The following IL7 variants were observed in gnomAD, a reference collection of about 807,000 sequenced individuals.
The protein encoded by IL7 is interleukin 7.
IL7 carries 3 observed loss-of-function variants against 21.6 expected under a neutral mutation model. The ratio of observed to expected loss-of-function variants is 0.14; its 90% CI spans 0.06 to 0.36. The LOEUF is 0.36. Among genes scored for constraint, IL7 ranks in the 10% least tolerant of loss-of-function variants. The pLI is 1.00. For missense variants in IL7, 175 were observed against 200.2 expected (o/e 0.87, Z 0.76); for synonymous variants, 62 against 68.1 (o/e 0.91, Z 0.44).
chr8:78,773,656 T>C (rs1813038745), intron 2 of IL7, among the ~76,000 whole-genome samples: 1 of 152,238 alleles, frequency 6.6e-6, no homozygotes, highest in Admixed American at 6.5e-5. Context: ...GAATTAGTCC[T>C]GCAATAGCCA....
At chr8:78,700,379 T>C (rs999156685) in intron 3 of IL7, among the ~76,000 whole-genome samples, 1 of 152,106 alleles carries the variant, frequency 6.6e-6, no homozygotes, top group African/African-American at 2.4e-5. Flanking sequence ...TAAGTTTGTT[T>C]GTTAAATTAT....
At chr8:78,723,067 C>T (rs1405830022) in intron 3 of IL7, among the ~76,000 whole-genome samples, 2 of 134,330 alleles carry the variant, frequency 1.5e-5, no homozygotes, top group Non-Finnish European at 3.2e-5. Flanking sequence ...CAAAGGAAAG[C>T]CTTCTATAAA....
chr8:78,744,742 G>T (rs1202515473), intron 2 of IL7, among the ~76,000 whole-genome samples: 6 of 152,160 alleles, frequency 3.9e-5, no homozygotes, highest in Non-Finnish European at 7.4e-5. Flanking sequence ...TCCAACATGT[G>T]CCTGAGCAGC....
At chr8:78,693,016 A>G (rs528626357) in intron 3 of IL7, among the ~76,000 whole-genome samples, 1 of 151,972 alleles carries the variant, frequency 6.6e-6, no homozygotes, top group Non-Finnish European at 1.5e-5. Context: ...TTTGCTGAGA[A>G]TGATGGTTTC....
intron 3 of IL7, among the ~76,000 whole-genome samples, chr8:78,726,925 T>G (rs1811350146): frequency 6.6e-6 from 1 of 151,990 alleles, no homozygotes; most frequent in East Asian, 1.9e-4. Flanking sequence ...TCCTCCTTCT[T>G]CAGTGTAAAA....
chr8:78,714,641 C>T (rs976244569), downstream of IL7, among the ~76,000 whole-genome samples: 6 of 152,152 alleles, frequency 3.9e-5, no homozygotes, highest in African/African-American at 1.4e-4. Context: ...AAAATGGAGA[C>T]TCATGGATGA....
intron 3 of IL7, among the ~76,000 whole-genome samples, chr8:78,693,772 AT>A (rs1563630439): frequency 3.3e-5 from 5 of 152,130 alleles, no homozygotes; most frequent in Non-Finnish European, 1.5e-5. Flanking sequence ...TTTTGTTGCC[AT>A]TGCTTTTGGT....
chr8:78,692,551 T>A (rs1225838103), intron 3 of IL7, among the ~76,000 whole-genome samples: 1 of 152,182 alleles, frequency 6.6e-6, no homozygotes, highest in African/African-American at 2.4e-5. Flanking sequence ...AAAGTGTTTT[T>A]ACTTTCTTTC....
intron 2 of IL7, among the ~76,000 whole-genome samples, chr8:78,765,598 C>T (rs1812731081): frequency 6.6e-6 from 1 of 151,944 alleles, no homozygotes; most frequent in Admixed American, 6.6e-5. Flanking sequence ...CAGCATATGC[C>T]ATCAGGGAAA....
At chr8:78,747,541 T>C (rs1812024799) in intron 2 of IL7, among the ~76,000 whole-genome samples, 1 of 152,230 alleles carries the variant, frequency 6.6e-6, no homozygotes, top group Non-Finnish European at 1.5e-5. Flanking sequence ...TTAGAAAATC[T>C]ACTCTGTATG....
chr8:78,775,683 C>A (rs1000534847), intron 2 of IL7, among the ~76,000 whole-genome samples: 1 of 152,060 alleles, frequency 6.6e-6, no homozygotes, highest in African/African-American at 2.4e-5. Context: ...TACTGACTTA[C>A]TGTAACCTCT....
chr8:78,738,490 A>T lies in IL7; in HGVS notation c.360+14T>A. 1 of 1,603,584 alleles carries T rather than the reference A, an allele frequency of 6.2e-7. No homozygotes were observed. Among genetic ancestry groups the T allele is most frequent in the Non-Finnish European group, 8.5e-7 (1 of 1,175,374 alleles). On this transcript the variant is annotated intron_variant, in intron 4 of 5. Coordinates refer to ENST00000263851, the MANE Select transcript of IL7 (RefSeq NM_000880.4). ...TTTAATATTTTTATTCAAAGTAAAT[A>T]GTCCTTAGCTTACCTGGCCAGTGCA... is the stretch of plus-strand genomic sequence containing the variant.
intron 2 of IL7, among the ~76,000 whole-genome samples, chr8:78,787,153 C>T (rs1813538480): frequency 6.6e-6 from 1 of 152,188 alleles, no homozygotes; most frequent in African/African-American, 2.4e-5. Flanking sequence ...CTGAGAGCTG[C>T]TCTAGCAAAT....
intron 4 of IL7, among the ~76,000 whole-genome samples, chr8:78,680,038 CG>C (rs918034721): frequency 3.3e-5 from 5 of 151,868 alleles, no homozygotes; most frequent in African/African-American, 1.2e-4. Flanking sequence ...TGCTACATAC[CG>C]TATTATTCTG....
Position 78,773,600 on chromosome 8 carries a change from C to A in IL7, c.147+24472G>T, listed in dbSNP as rs148065647. ...GGGGCAATACAGAGTGGCAAGTAGG[C>A]TAGAAATGTAAAGAACAGATTTTCC... is the stretch of plus-strand genomic sequence containing the variant. On this transcript the variant is annotated intron_variant, in intron 2 of 5. Coordinates refer to ENST00000263851, the MANE Select transcript of IL7 (RefSeq NM_000880.4). 3.8e-3 allele frequency among the ~76,000 whole-genome samples: 571 copies of A among 152,130 alleles called. 3 individuals are homozygous for A. Among genetic ancestry groups the A allele is most frequent in the African/African-American group, 0.013 (521 of 41,498 alleles).
downstream of IL7, among the ~76,000 whole-genome samples, chr8:78,675,122 ATAGT>A (rs1809540243): frequency 6.6e-6 from 1 of 151,196 alleles, no homozygotes; most frequent in Admixed American, 6.6e-5. Flanking sequence ...CAGTTACATG[ATAGT>A]TATATTAATT....
At chr8:78,763,228 C>T (rs72661357) in intron 2 of IL7, among the ~76,000 whole-genome samples, 6,738 of 152,284 alleles carry the variant, frequency 0.044, 212 homozygotes, top group Middle Eastern at 0.082. Context: ...TTAATCTTCA[C>T]GCCCCCAGCC....
chr8:78,691,948 G>A (rs938171553), intron 3 of IL7, among the ~76,000 whole-genome samples: 2 of 152,084 alleles, frequency 1.3e-5, no homozygotes, highest in Non-Finnish European at 2.9e-5. Flanking sequence ...GGGGTACAAA[G>A]TGATACCATG....
chr8:78,715,454 G>C (rs1463094936), downstream of IL7: 1 of 842,648 alleles, frequency 1.2e-6, no homozygotes, highest in East Asian at 2.9e-5. Context: ...TTTTAATCTG[G>C]CTTTTAAGTT....
Sources: allele counts gnomAD v4.1 joint callset (sites outside exome capture counted in the v4.1 genomes callset), GRCh38; gene constraint gnomAD v4.1.1; transcripts MANE v1.5; gene names NCBI Gene and HGNC (gene_info 2026-07-23, HGNC 2026-07-21).